The following CNTN1 variants were observed in gnomAD, a reference collection of about 807,000 sequenced individuals.
CNTN1 encodes contactin 1.
A neutral mutation model predicts 126.4 loss-of-function variants in CNTN1; 38 were observed. The observed-to-expected ratio is 0.30, with a 90% CI of 0.23 to 0.39. CNTN1 has a LOEUF of 0.39. Among genes scored for constraint, CNTN1 ranks in the 10% least tolerant of loss-of-function variants. The pLI, the probability that CNTN1 is intolerant of heterozygous loss-of-function variation, is 1.00. For synonymous variants in CNTN1, 413 were observed against 422.6 expected (o/e 0.98, Z 0.28); for missense variants, 1,009 against 1,248.4 (o/e 0.81, Z 2.89).
chr12:40,981,470 C>T (rs1233749042), intron 16 of CNTN1, among the ~76,000 whole-genome samples: 1 of 151,972 alleles, frequency 6.6e-6, no homozygotes, highest in Non-Finnish European at 1.5e-5. Context: ...TCTAAAAAAC[C>T]ACATTGATCA....
At chr12:41,045,850 T>A (rs1949528937) in intron 23 of CNTN1, among the ~76,000 whole-genome samples, 2 of 152,162 alleles carry the variant, frequency 1.3e-5, no homozygotes. Context: ...TAGTCCTTCT[T>A]CTATAACCTT....
chr12:40,795,329 T>C (rs1458858258), intron 1 of CNTN1, among the ~76,000 whole-genome samples: 1 of 137,626 alleles, frequency 7.3e-6, no homozygotes, highest in Non-Finnish European at 1.5e-5. Flanking sequence ...ATTTTTTTTT[T>C]TTTTTTGAAA....
chr12:41,043,304 G>GAA (rs1160908958), intron 23 of CNTN1, among the ~76,000 whole-genome samples: 1 of 151,744 alleles, frequency 6.6e-6, no homozygotes, highest in Non-Finnish European at 1.5e-5. Context: ...AAATTTACAA[G>GAA]AAAAAAACAA....
intron 17 of CNTN1, among the ~76,000 whole-genome samples, chr12:41,012,950 A>G (rs1948697144): frequency 6.6e-6 from 1 of 152,172 alleles, no homozygotes; most frequent in Non-Finnish European, 1.5e-5. Flanking sequence ...ACATGGATAC[A>G]CACAAGGAGT....
chr12:40,923,045 G>A (rs1449799568), intron 5 of CNTN1, among the ~76,000 whole-genome samples: 2 of 150,498 alleles, frequency 1.3e-5, no homozygotes, highest in Non-Finnish European at 2.9e-5. Context: ...TCACCCCTAA[G>A]GGGGTGAAAA....
intron 1 of CNTN1, among the ~76,000 whole-genome samples, chr12:40,761,375 T>C (rs567804988): frequency 6.6e-6 from 1 of 152,142 alleles, no homozygotes; most frequent in African/African-American, 2.4e-5. Flanking sequence ...AGATTTGTTC[T>C]TCTACCAATC....
intron 23 of CNTN1, among the ~76,000 whole-genome samples, chr12:41,062,403 C>T (rs1289645516): frequency 2.0e-5 from 3 of 152,130 alleles, no homozygotes; most frequent in African/African-American, 4.8e-5. Flanking sequence ...AGTTTCCAGG[C>T]AAGTACAACT....
intron 15 of CNTN1, chr12:40,971,983 G>C (rs745538221): frequency 4.0e-6 from 4 of 1,000,198 alleles, no homozygotes; most frequent in South Asian, 8.8e-5. Context: ...GCATTACTCC[G>C]GCAGTCTTTT....
intron 1 of CNTN1, among the ~76,000 whole-genome samples, chr12:40,876,725 T>C (rs985920276): frequency 3.9e-5 from 6 of 152,156 alleles, no homozygotes; most frequent in African/African-American, 1.4e-4. Flanking sequence ...TCTTATTAGC[T>C]TTGTTTTTTC....
chr12:40,801,990 T>C (rs1940675993), intron 1 of CNTN1, among the ~76,000 whole-genome samples: 2 of 151,584 alleles, frequency 1.3e-5, no homozygotes, highest in South Asian at 2.1e-4. Context: ...ATGGATACAA[T>C]ATATAATTAG....
At chr12:40,773,763 T>G (rs1939468463) in intron 1 of CNTN1, among the ~76,000 whole-genome samples, 1 of 149,020 alleles carries the variant, frequency 6.7e-6, no homozygotes, top group African/African-American at 2.5e-5. Flanking sequence ...CTGGCAAGTG[T>G]GAGCTGTTAT....
chr12:40,938,112 A>G (rs1328882187), intron 11 of CNTN1, among the ~76,000 whole-genome samples: 1 of 152,208 alleles, frequency 6.6e-6, no homozygotes, highest in Non-Finnish European at 1.5e-5. Context: ...GTACATAGTT[A>G]CGGATGATTG....
At position 40,929,877 on chromosome 12, in the gene CNTN1, A is replaced by G; in HGVS notation, c.578A>G (p.Asn193Ser). The G allele has an allele frequency of 6.2e-7, 1 of 1,612,816 alleles. No individual in the cohort carries two copies. The highest frequency in any genetic ancestry group is 8.5e-7 in the Non-Finnish European group (1 of 1,179,080). ...MDKRRFVSQT[N>S]GNLYIANVEA... ...AAACGGCGATTTGTGTCTCAGACAAATGGCAATCTCTACATTGCAAATGTT... is the reference window on the plus strand; with the variant it reads ...AAACGGCGATTTGTGTCTCAGACAAGTGGCAATCTCTACATTGCAAATGTT... The change falls in exon 7 of 24, where the codon AAT becomes AGT. Residue 193 changes from asparagine (N) to serine (S), a missense_variant. Coordinates refer to ENST00000551295, the MANE Select transcript of CNTN1 (RefSeq NM_001843.4).
intron 14 of CNTN1, among the ~76,000 whole-genome samples, chr12:40,946,687 A>G (rs1466804814): frequency 6.6e-6 from 1 of 152,174 alleles, no homozygotes; most frequent in African/African-American, 2.4e-5. Flanking sequence ...GAATAGGGAA[A>G]TCAAATTTTA....
At chr12:41,050,234 G>A (rs937424742) in intron 23 of CNTN1, among the ~76,000 whole-genome samples, 2 of 152,128 alleles carry the variant, frequency 1.3e-5, no homozygotes, top group African/African-American at 4.8e-5. Flanking sequence ...ATTTATGTAT[G>A]TTTTTATTAT....
chr12:41,068,075 C>T (rs979505565), intron 23 of CNTN1, among the ~76,000 whole-genome samples: 3 of 152,122 alleles, frequency 2.0e-5, no homozygotes, highest in Non-Finnish European at 2.9e-5. Flanking sequence ...AAAACCAGTC[C>T]CTTGCTAAAG....
intron 23 of CNTN1, among the ~76,000 whole-genome samples, chr12:41,043,497 C>G (rs1472238907): frequency 6.6e-6 from 1 of 152,102 alleles, no homozygotes; most frequent in Non-Finnish European, 1.5e-5. Flanking sequence ...AGTCAGGAAA[C>G]AACAGGTGCT....
chr12:40,776,744 C>G (rs1443729484), intron 1 of CNTN1, among the ~76,000 whole-genome samples: 3 of 151,716 alleles, frequency 2.0e-5, no homozygotes, highest in Non-Finnish European at 4.4e-5. Context: ...GCAGAATTCA[C>G]CAGTTACTCT....
At chr12:40,937,973 T>A (rs756659905) in intron 11 of CNTN1, among the ~76,000 whole-genome samples, 3 of 152,178 alleles carry the variant, frequency 2.0e-5, no homozygotes, top group Non-Finnish European at 4.4e-5. Flanking sequence ...CCAGACCTAC[T>A]GAATGGACAC....
Sources: allele counts gnomAD v4.1 joint callset (sites outside exome capture counted in the v4.1 genomes callset), GRCh38; gene constraint gnomAD v4.1.1; transcripts MANE v1.5; gene names NCBI Gene and HGNC (gene_info 2026-07-23, HGNC 2026-07-21).